The following HELLS variants were observed in gnomAD, a reference collection of about 807,000 sequenced individuals.
HELLS encodes the protein helicase, lymphoid specific.
A neutral mutation model predicts 120.0 loss-of-function variants in HELLS; 32 were observed. The observed-to-expected ratio is 0.27, with a 90% CI of 0.20 to 0.36. The LOEUF is 0.36. Ranked by LOEUF, HELLS falls within the 10% of genes least tolerant of loss-of-function variation. HELLS has a pLI of 1.00. For missense variants in HELLS, 650 were observed against 993.4 expected (o/e 0.65, Z 4.65); for synonymous variants, 341 against 323.4 (o/e 1.05, Z -0.58).
At chr10:94,590,934 G>A (rs1845457734) in intron 15 of HELLS, among the ~76,000 whole-genome samples, 158 bp downstream of exon 15, 1 of 152,076 alleles carries the variant, frequency 6.6e-6, no homozygotes, top group Non-Finnish European at 1.5e-5. Context: ...TCTTCTTTCC[G>A]AAATTTCAGA....
intron 6 of HELLS, among the ~76,000 whole-genome samples, 176 bp downstream of exon 6, chr10:94,563,052 C>G (rs544963394): frequency 9.2e-5 from 14 of 151,600 alleles, no homozygotes; most frequent in Non-Finnish European, 1.9e-4. Flanking sequence ...ATCTACCAAC[C>G]TACAGTAGAC....
intron 2 of HELLS, among the ~76,000 whole-genome samples, chr10:94,553,337 T>C (rs1843076278): frequency 6.6e-6 from 1 of 151,488 alleles, no homozygotes; most frequent in Admixed American, 6.6e-5. Context: ...CAACCTCCGC[T>C]TCCCGGGTTT....
intron 2 of HELLS, 68 bp from the exon 3 acceptor site, chr10:94,554,057 AC>A (rs1843118269): frequency 1.4e-6 from 2 of 1,415,358 alleles, no homozygotes; most frequent in Non-Finnish European, 1.9e-6. Flanking sequence ...TTTTTATTAA[AC>A]TTTATGCCAA....
In HELLS at chr10:94,574,538, C is replaced by G. The variant is rs1335732860; in HGVS notation, c.706-16C>G. 1 of 1,582,194 alleles carries G rather than the reference C, an allele frequency of 6.3e-7. No individual in the cohort carries two copies. The highest frequency in any genetic ancestry group is 8.7e-7 in the Non-Finnish European group (1 of 1,151,754). On this transcript the variant is annotated splice_polypyrimidine_tract_variant and intron_variant, in intron 8 of 21. Transcript: ENST00000348459. The stretch of plus-strand genomic sequence containing the variant: ...TTATATCCAAGTTTAAATACAGTAT[C>G]TATTATTTTGTCCAGATGCTTTGGG...
Position 94,594,861 on chromosome 10 carries a change from A to T in HELLS, c.2248+7A>T. 6.3e-7 allele frequency: 1 copy of T among 1,594,082 alleles called. No individual in the cohort carries two copies. Among genetic ancestry groups the T allele is most frequent in the Non-Finnish European group, 8.6e-7 (1 of 1,162,924 alleles). On this transcript the variant is annotated splice_region_variant and intron_variant, in intron 19 of 21. Transcript: ENST00000348459. ...AAGTTGATCATCCATAAAAGTAAATAACACTTATGTAGTGCTTTATTGTTT... is the reference window on the plus strand; with the variant it reads ...AAGTTGATCATCCATAAAAGTAAATTACACTTATGTAGTGCTTTATTGTTT...
Position 94,562,819 on chromosome 10 carries a change from G to GA in HELLS, c.385dup (p.Arg129LysfsTer6). ...TAAAATTTTTTTTTATAGTTATGAG[G>GA]AAAAAAAGAGGAAGAGAAGATGAAT... On this transcript the variant is annotated frameshift_variant, in exon 6 of 22. Coordinates refer to ENST00000348459, the MANE Select transcript of HELLS (RefSeq NM_018063.5). LOFTEE classifies it high-confidence loss of function. 6.4e-7 allele frequency: 1 copy of GA among 1,562,176 alleles called. No individual in the cohort carries two copies. Among genetic ancestry groups the GA allele is most frequent in the Non-Finnish European group, 8.7e-7 (1 of 1,144,320 alleles).
At chr10:94,575,291 G>A (rs991110288) in intron 9 of HELLS, among the ~76,000 whole-genome samples, 4 of 151,594 alleles carry the variant, frequency 2.6e-5, no homozygotes, top group African/African-American at 9.7e-5. Flanking sequence ...TAGAGACGAT[G>A]TCTTGCCATG....
At chr10:94,566,226 T>C (rs1233937485) in intron 6 of HELLS, among the ~76,000 whole-genome samples, 1 of 152,166 alleles carries the variant, frequency 6.6e-6, no homozygotes, top group Non-Finnish European at 1.5e-5. Context: ...CTCTTCACTC[T>C]GGCATGCAGT....
chr10:94,589,153 A>T (rs558870379), intron 13 of HELLS, among the ~76,000 whole-genome samples: 192 of 151,536 alleles, frequency 1.3e-3, no homozygotes, highest in South Asian at 4.6e-3. Context: ...CGTCTCAAAA[A>T]AAATAAATAA....
Position 94,546,479 on chromosome 10 carries a change from A to C in HELLS, c.134A>C (p.Glu45Ala), listed in dbSNP as rs758124336. Reference sequence around the variant, plus strand: ...CTTGAAGCTGCTGGACTAGAGAGAGAGCGGAAGATGCTGGAAAAGGTAATT... The same window carrying C: ...CTTGAAGCTGCTGGACTAGAGAGAGCGCGGAAGATGCTGGAAAAGGTAATT... Reference protein sequence around the residue: ...EQLEAAGLERERKMLEKARMS... With the variant: ...EQLEAAGLERARKMLEKARMS... Residue 45 changes from glutamate (E) to alanine (A), a missense_variant, in exon 2 of 22, where the codon GAG (glutamate) becomes GCG (alanine). By Grantham distance (107) the Glu-to-Ala change is moderately radical. Coordinates refer to ENST00000348459, the MANE Select transcript of HELLS (RefSeq NM_018063.5). 2.3e-5 allele frequency: 37 copies of C among 1,613,978 alleles called. No homozygotes were observed. The highest frequency in any genetic ancestry group is 5.0e-5 in the Admixed American group (3 of 60,006).
At chr10:94,584,187 T>TGCTGAA in intron 12 of HELLS, 1 of 600,498 alleles carries the variant, frequency 1.7e-6, no homozygotes, top group Non-Finnish European at 2.5e-6. Flanking sequence ...AATTGAGATG[T>TGCTGAA]TTATTGACTA....
At chr10:94,591,062 T>C (rs1364110709) in intron 15 of HELLS, among the ~76,000 whole-genome samples, 1 of 152,170 alleles carries the variant, frequency 6.6e-6, no homozygotes, top group Non-Finnish European at 1.5e-5. Context: ...TCAAACTTCC[T>C]GGTTTCTCAG....
At chr10:94,606,355 G>T (rs1359261), downstream of HELLS, among the ~76,000 whole-genome samples, 65,775 of 150,856 alleles carry the variant, frequency 0.44, 14,503 homozygotes, top group East Asian at 0.72. Context: ...GAATTTTTTT[G>T]TTTGAATGAG....
chr10:94,612,488 C>T (rs1271546575), exon 10 of HELLS: 1 of 152,142 alleles, frequency 6.6e-6, no homozygotes, highest in Admixed American at 6.5e-5. Context: ...TGGAGTTTTA[C>T]AGAAGCTATA....
intron 9 of HELLS, 44 bp from the exon 10 acceptor site, chr10:94,576,618 A>G (rs1407583256): frequency 1.8e-6 from 2 of 1,125,384 alleles, no homozygotes; most frequent in East Asian, 2.5e-5. Context: ...CAATATTTAC[A>G]TTTTGTTCTT....
chr10:94,588,452 C>CTT, intron 13 of HELLS, 62 bp downstream of exon 13: 2 of 1,264,886 alleles, frequency 1.6e-6, no homozygotes, highest in East Asian at 2.6e-5. Flanking sequence ...TCTTTTTTCC[C>CTT]TTTTTTTTTG....
At chr10:94,558,583 TC>T (rs1843377608) in intron 4 of HELLS, among the ~76,000 whole-genome samples, 1 of 152,060 alleles carries the variant, frequency 6.6e-6, no homozygotes, top group Non-Finnish European at 1.5e-5. Context: ...AGGTGTGCTA[TC>T]ATGTCTTCTC....
intron 2 of HELLS, among the ~76,000 whole-genome samples, chr10:94,547,092 A>C (rs542821735): frequency 6.6e-6 from 1 of 152,296 alleles, no homozygotes; most frequent in Non-Finnish European, 1.5e-5. Flanking sequence ...AAGTTGCTGT[A>C]GTTTTCTTGT....
intron 12 of HELLS, among the ~76,000 whole-genome samples, chr10:94,585,246 G>A (rs1197335273): frequency 6.6e-6 from 1 of 151,334 alleles, no homozygotes; most frequent in Non-Finnish European, 1.5e-5. Flanking sequence ...TACACGGTAA[G>A]ATATTTTTAA....
Sources: allele counts gnomAD v4.1 joint callset (sites outside exome capture counted in the v4.1 genomes callset), GRCh38; gene constraint gnomAD v4.1.1; transcripts MANE v1.5; gene names NCBI Gene and HGNC (gene_info 2026-07-23, HGNC 2026-07-21).